The following CNTN6 variants were observed in gnomAD, a reference collection of about 807,000 sequenced individuals.
CNTN6 encodes contactin 6, also known as contactin-6.
A neutral mutation model predicts 122.8 loss-of-function variants in CNTN6; 137 were observed. The observed-to-expected ratio is 1.12, with a 90% CI of 0.97 to 1.29. The LOEUF (loss-of-function observed/expected upper bound fraction) is 1.29, where lower values mean the gene tolerates loss of function less well. Ranked by LOEUF, CNTN6 falls within the 50% of genes most tolerant of loss-of-function variation. The pLI, the probability that CNTN6 is intolerant of heterozygous loss-of-function variation, is 0.00. For synonymous variants in CNTN6, 570 were observed against 426.0 expected (o/e 1.34, Z -4.16); for missense variants, 1,634 against 1,223.4 (o/e 1.34, Z -5.01).
intron 17 of CNTN6, among the ~76,000 whole-genome samples, chr3:1,379,540 C>G (rs543261486): frequency 2.6e-5 from 4 of 152,042 alleles, no homozygotes; most frequent in Non-Finnish European, 4.4e-5. Flanking sequence ...ATCCATGCAA[C>G]AAACTTGCAC....
In CNTN6 at chr3:1,388,504, G is replaced by A. The variant is rs370033253; in HGVS notation, c.2704+2707G>A. Among the ~76,000 whole-genome samples, 219 of 151,730 alleles carry A rather than the reference G, an allele frequency of 1.4e-3. 1 individual carries two copies. The South Asian group carries it at 0.028, about 19-fold the overall frequency. On this transcript the variant is annotated intron_variant, in intron 20 of 22. Coordinates refer to ENST00000446702, the MANE Select transcript of CNTN6 (RefSeq NM_001289080.2). ...AACTGGAAACTCTAAAACGCAGAGC[G>A]CCTCTCCTCCTCCAAGGGAACGCAG... is the stretch of plus-strand genomic sequence containing the variant.
At chr3:1,278,655 T>C in intron 5 of CNTN6, 147 bp downstream of exon 5, 1 of 501,904 alleles carries the variant, frequency 2.0e-6, no homozygotes, top group East Asian at 3.0e-5. Context: ...TACAAATAGT[T>C]CTATATCTAA....
intron 7 of CNTN6, among the ~76,000 whole-genome samples, chr3:1,305,653 C>A (rs1698235278): frequency 2.0e-5 from 3 of 151,702 alleles, no homozygotes; most frequent in African/African-American, 7.3e-5. Flanking sequence ...TATAAACAAC[C>A]AAACATATTT....
intron 2 of CNTN6, among the ~76,000 whole-genome samples, chr3:1,163,473 G>C (rs911455555): frequency 6.6e-6 from 1 of 152,142 alleles, no homozygotes; most frequent in Non-Finnish European, 1.5e-5. Flanking sequence ...GTGCAGTGAC[G>C]CGATCATAGC....
chr3:1,345,470 T>G (rs1275507047), intron 11 of CNTN6, among the ~76,000 whole-genome samples: 3 of 152,164 alleles, frequency 2.0e-5, no homozygotes, highest in Non-Finnish European at 4.4e-5. Flanking sequence ...AGGACAACCT[T>G]TATTTTGATT....
chr3:1,184,130 T>C (rs183106335), intron 2 of CNTN6, among the ~76,000 whole-genome samples: 77 of 152,302 alleles, frequency 5.1e-4, no homozygotes, highest in Middle Eastern at 3.4e-3. Flanking sequence ...GGAAGTGATA[T>C]CTGTCCCATT....
chr3:1,325,629 T>C (rs1343614690), intron 8 of CNTN6, among the ~76,000 whole-genome samples, 186 bp from the exon 9 acceptor site: 1 of 151,784 alleles, frequency 6.6e-6, no homozygotes, highest in Admixed American at 6.6e-5. Flanking sequence ...CCCAATGATA[T>C]TTGCAACAGG....
intron 20 of CNTN6, among the ~76,000 whole-genome samples, chr3:1,391,529 A>T (rs1413560708): frequency 7.9e-6 from 1 of 125,904 alleles, no homozygotes; most frequent in Admixed American, 8.1e-5. Flanking sequence ...ACTCCTATTC[A>T]ACATAGTGTT....
intron 1 of CNTN6, among the ~76,000 whole-genome samples, chr3:1,104,897 T>C (rs945264203): frequency 2.0e-5 from 3 of 152,190 alleles, no homozygotes; most frequent in African/African-American, 7.2e-5. Flanking sequence ...TTTCACCAGA[T>C]GGGTGTTCCC....
intron 6 of CNTN6, among the ~76,000 whole-genome samples, chr3:1,296,101 T>C (rs1559741186): frequency 6.6e-6 from 1 of 152,176 alleles, no homozygotes. Flanking sequence ...GGAGTTGGCG[T>C]GTGTGTATGT....
intron 2 of CNTN6, among the ~76,000 whole-genome samples, chr3:1,164,976 T>A (rs1021628351): frequency 5.3e-5 from 8 of 152,286 alleles, no homozygotes; most frequent in Non-Finnish European, 1.2e-4. Context: ...AATGCAAGCA[T>A]GCATTGGAGG....
intron 1 of CNTN6, among the ~76,000 whole-genome samples, chr3:1,099,366 G>A (rs535089770): frequency 8.7e-4 from 132 of 152,098 alleles, no homozygotes; most frequent in African/African-American, 3.1e-3. Flanking sequence ...CGGGAGAATG[G>A]CGGGAACCCG....
intron 20 of CNTN6, among the ~76,000 whole-genome samples, chr3:1,386,122 ATTTATC>A (rs1167257791): frequency 6.6e-6 from 1 of 152,160 alleles, no homozygotes. Context: ...GTTAGGTGGT[ATTTATC>A]TTTGAGTCTC....
In CNTN6 at chr3:1,382,995, C is replaced by G. The variant is rs757993052; in HGVS notation, c.2220C>G (p.Phe740Leu). ...NGEGFGYIIM[F>L]RPVGSTTWSK... is the part of the protein sequence containing the mutation. The stretch of plus-strand genomic sequence containing the variant: ...AGGGATTTGGATATATCATCATGTT[C>G]CGGCCAGTGGGCTCGACAACCTGGT... The change falls in exon 18 of 23, where the codon TTC becomes TTG. Residue 740 changes from phenylalanine to leucine, a missense_variant. Physicochemically the swap from Phe to Leu is conservative, Grantham distance 22 (BLOSUM62 0). Coordinates refer to ENST00000446702, the MANE Select transcript of CNTN6 (RefSeq NM_001289080.2). The G allele has an allele frequency of 1.2e-6, 2 of 1,613,924 alleles. No individual in the cohort carries two copies. The highest frequency in any genetic ancestry group is 1.7e-6 in the Non-Finnish European group (2 of 1,179,944).
chr3:1,203,557 G>A (rs1575222688), intron 2 of CNTN6, among the ~76,000 whole-genome samples: 1 of 152,310 alleles, frequency 6.6e-6, no homozygotes, highest in East Asian at 1.9e-4. Flanking sequence ...TACGGTCTTA[G>A]CTTTCCGAAG....
intron 5 of CNTN6, among the ~76,000 whole-genome samples, chr3:1,292,255 G>A (rs191787509): frequency 7.9e-5 from 12 of 152,134 alleles, no homozygotes; most frequent in South Asian, 2.1e-4. Flanking sequence ...CTTTTTATGC[G>A]TGTGGCAGCT....
intron 4 of CNTN6, among the ~76,000 whole-genome samples, chr3:1,250,387 G>T (rs1341054591): frequency 6.6e-6 from 1 of 152,094 alleles, no homozygotes; most frequent in East Asian, 1.9e-4. Context: ...GTTAACAGGG[G>T]AAAATGTCAG....
intron 1 of CNTN6, among the ~76,000 whole-genome samples, chr3:1,093,340 C>T (rs998292354): frequency 6.6e-6 from 1 of 151,984 alleles, no homozygotes; most frequent in Non-Finnish European, 1.5e-5. Flanking sequence ...AATCTGTATT[C>T]CGGGAGGTTA....
chr3:1,245,282 C>A (rs774931906), intron 4 of CNTN6, among the ~76,000 whole-genome samples: 34 of 6,174 alleles, frequency 5.5e-3, no homozygotes, highest in East Asian at 0.014. Context: ...TATACACACA[C>A]ATATATATAT....
Sources: gnomAD v4.1 joint callset for allele counts (sites outside exome capture counted in the v4.1 genomes callset) on GRCh38, gnomAD v4.1.1 for gene constraint, MANE v1.5 for transcripts, NCBI Gene and HGNC (gene_info 2026-07-23, HGNC 2026-07-21) for gene names.